Variants in PRKAR2A observed in about 807,000 individuals in gnomAD.
PRKAR2A encodes cAMP-dependent protein kinase type II-alpha regulatory subunit.
A neutral mutation model predicts 51.9 loss-of-function variants in PRKAR2A; 29 were observed. The ratio of observed to expected loss-of-function variants is 0.56; its 90% CI spans 0.42 to 0.76. The LOEUF (loss-of-function observed/expected upper bound fraction) is 0.76. Among genes scored for constraint, PRKAR2A ranks in the 30% least tolerant of loss-of-function variants. The pLI is 0.00. For synonymous variants in PRKAR2A, 178 were observed against 186.2 expected, an observed-to-expected ratio of 0.96 and a Z score of 0.36; for missense variants, 445 against 512.1, an observed-to-expected ratio of 0.87 and a Z score of 1.26.
At position 48,826,730 on chromosome 3, in the gene PRKAR2A, CAAAG is replaced by C. The variant is rs56713062; in HGVS notation, c.263-19050_263-19047del. Among the ~76,000 whole-genome samples, 955 of 152,096 alleles carry C rather than the reference CAAAG, an allele frequency of 6.3e-3. 14 individuals are homozygous for C. Among genetic ancestry groups the C allele is most frequent in the African/African-American group, 0.022 (904 of 41,474 alleles). ...TATGATCCAAAAGGCTCATGAATAA[CAAAG>C]AAAGATACTTCTATCACTTGGAAAA... On this transcript the variant is annotated intron_variant, in intron 1 of 10. Coordinates refer to ENST00000265563, the MANE Select transcript of PRKAR2A (RefSeq NM_004157.4).
chr3:48,810,239 TAC>T (rs904571874), intron 1 of PRKAR2A, among the ~76,000 whole-genome samples: 16 of 142,126 alleles, frequency 1.1e-4, no homozygotes, highest in Admixed American at 3.6e-4. Flanking sequence ...TGTGTGTGTG[TAC>T]ACACACACAC....
chr3:48,808,522 G>A (rs914811432), intron 1 of PRKAR2A, among the ~76,000 whole-genome samples: 1 of 151,928 alleles, frequency 6.6e-6, no homozygotes, highest in African/African-American at 2.4e-5. Flanking sequence ...CAAAGTGCTG[G>A]GATTACAGGC....
At chr3:48,812,060 T>A (rs1349105352) in intron 1 of PRKAR2A, among the ~76,000 whole-genome samples, 1 of 151,852 alleles carries the variant, frequency 6.6e-6, no homozygotes, top group Non-Finnish European at 1.5e-5. Context: ...AGTCTGTAAG[T>A]TTACTAAAAA....
At chr3:48,772,107 C>G (rs2082037575) in intron 6 of PRKAR2A, among the ~76,000 whole-genome samples, 1 of 152,182 alleles carries the variant, frequency 6.6e-6, no homozygotes, top group African/African-American at 2.4e-5. Flanking sequence ...CTTCTTTCCA[C>G]CTTTCAGAGT....
intron 6 of PRKAR2A, 150 bp from the exon 7 acceptor site, chr3:48,765,499 G>C: frequency 3.1e-6 from 2 of 637,030 alleles, no homozygotes; most frequent in East Asian, 2.8e-5. Context: ...GTCATCACTG[G>C]AAGTAAAGGA....
Position 48,800,428 on chromosome 3 carries a change from G to A in PRKAR2A, c.299-6379C>T, listed in dbSNP as rs989965053. Among the ~76,000 whole-genome samples the A allele has an allele frequency of 1.3e-5, 2 of 150,796 alleles. 1 individual carries two copies. On this transcript the variant is annotated intron_variant, in intron 2 of 10. Transcript: ENST00000265563. Reference sequence around the variant, plus strand: ...CTAGAGAGGCTGAGGCAGAAAAATCGCTTGAACCCAGGAGGTGGAGGTTGC... The same window carrying A: ...CTAGAGAGGCTGAGGCAGAAAAATCACTTGAACCCAGGAGGTGGAGGTTGC...
intron 1 of PRKAR2A, among the ~76,000 whole-genome samples, chr3:48,813,900 G>GA (rs1236433480): frequency 6.6e-6 from 1 of 152,082 alleles, no homozygotes; most frequent in Admixed American, 6.6e-5. Flanking sequence ...AAGGCGGGTG[G>GA]ATCACCTGAG....
At chr3:48,756,659 T>C (rs975956219) in intron 8 of PRKAR2A, among the ~76,000 whole-genome samples, 2 of 151,962 alleles carry the variant, frequency 1.3e-5, no homozygotes, top group African/African-American at 4.8e-5. Context: ...TGAGCAAATA[T>C]TGGGAGGACG....
chr3:48,789,813 T>C (rs1422657075), intron 4 of PRKAR2A, among the ~76,000 whole-genome samples: 1 of 151,962 alleles, frequency 6.6e-6, no homozygotes, highest in African/African-American at 2.4e-5. Flanking sequence ...AACCTCAGCA[T>C]ACAATTTCTT....
At chr3:48,804,351 C>T (rs1478893261) in intron 2 of PRKAR2A, among the ~76,000 whole-genome samples, 2 of 152,020 alleles carry the variant, frequency 1.3e-5, no homozygotes, top group East Asian at 1.9e-4. Flanking sequence ...GTCCCAGCTA[C>T]TCAGGAGGCT....
chr3:48,790,956 G>A (rs1308523131), intron 3 of PRKAR2A, among the ~76,000 whole-genome samples: 1 of 151,786 alleles, frequency 6.6e-6, no homozygotes, highest in Non-Finnish European at 1.5e-5. Context: ...AAAAAAAAAA[G>A]AAAAAGTACA....
chr3:48,786,507 T>C (rs2082295518), intron 4 of PRKAR2A, among the ~76,000 whole-genome samples: 1 of 148,964 alleles, frequency 6.7e-6, no homozygotes. Context: ...TTACTCAAGA[T>C]AACTTGGGGG....
chr3:48,765,391 C>T (rs976049736), intron 6 of PRKAR2A, 42 bp from the exon 7 acceptor site: 2 of 1,361,622 alleles, frequency 1.5e-6, no homozygotes, highest in Non-Finnish European at 2.0e-6. Context: ...TGCCTATATA[C>T]AGGAACATCT....
intron 8 of PRKAR2A, 30 bp from the exon 9 acceptor site, chr3:48,756,474 C>T: frequency 6.5e-7 from 1 of 1,537,944 alleles, no homozygotes; most frequent in Non-Finnish European, 9.0e-7. Flanking sequence ...AGGTCAGAGC[C>T]ATAAGTAGTA....
chr3:48,790,297 C>G (rs982534400), intron 4 of PRKAR2A, among the ~76,000 whole-genome samples: 17 of 151,972 alleles, frequency 1.1e-4, no homozygotes, highest in African/African-American at 4.1e-4. Context: ...CTGTCATTGA[C>G]TATGGGTAAC....
At chr3:48,762,672 A>G (rs1350313249) in intron 8 of PRKAR2A, among the ~76,000 whole-genome samples, 2 of 152,100 alleles carry the variant, frequency 1.3e-5, no homozygotes, top group Non-Finnish European at 2.9e-5. Context: ...GAGGCAAGAG[A>G]ATAGCTTGAA....
At position 48,820,287 on chromosome 3, in the gene PRKAR2A, T is replaced by C. The variant is rs565801959; in HGVS notation, c.263-12603A>G. On this transcript the variant is annotated intron_variant, in intron 1 of 10. Coordinates refer to ENST00000265563, the MANE Select transcript of PRKAR2A (RefSeq NM_004157.4). ...TCTAATAATAGTATCACCAATGGAA[T>C]AAGACACGGAGTGGGAAGACCAGTA... Among the ~76,000 whole-genome samples, 43 of 152,278 alleles carry C rather than the reference T, an allele frequency of 2.8e-4. 1 individual carries two copies. Among genetic ancestry groups the C allele is most frequent in the African/African-American group, 9.9e-4 (41 of 41,546 alleles).
chr3:48,830,704 A>G (rs569347495), intron 1 of PRKAR2A, among the ~76,000 whole-genome samples: 123 of 152,256 alleles, frequency 8.1e-4, no homozygotes, highest in African/African-American at 2.8e-3. Context: ...TTATTATTAC[A>G]TTGTAATATA....
intron 5 of PRKAR2A, among the ~76,000 whole-genome samples, chr3:48,780,137 G>C (rs939994791): frequency 6.7e-6 from 1 of 149,840 alleles, no homozygotes; most frequent in African/African-American, 2.5e-5. Flanking sequence ...CCAGCCTTGC[G>C]ACAGAGTGAG....
Sources: gnomAD v4.1 joint callset for allele counts (sites outside exome capture counted in the v4.1 genomes callset) on GRCh38, gnomAD v4.1.1 for gene constraint, MANE v1.5 for transcripts, NCBI Gene and HGNC (gene_info 2026-07-23, HGNC 2026-07-21) for gene names.